MTRF1: variants seen among roughly 807,000 people sequenced by gnomAD.
MTRF1 encodes peptide chain release factor 1, mitochondrial.
Under a neutral mutation model 62.9 loss-of-function variants are expected in MTRF1, and 51 were observed. The observed-to-expected ratio is 0.81, with a 90% CI of 0.65 to 1.02. MTRF1 has a LOEUF of 1.02. Ranked by LOEUF, MTRF1 falls within the 50% of genes least tolerant of loss-of-function variation. MTRF1 has a pLI of 0.00. For missense variants in MTRF1, 446 were observed against 530.0 expected, an observed-to-expected ratio of 0.84 and a Z score of 1.56; for synonymous variants, 158 against 181.9, an observed-to-expected ratio of 0.87 and a Z score of 1.06.
the MTRF1 span, among the ~76,000 whole-genome samples, chr13:41,289,040 C>T: frequency 9.9e-5 from 15 of 152,024 alleles, no homozygotes; most frequent in Non-Finnish European, 1.8e-4. Context: ...AAGAACTCAA[C>T]GTTGACCATT....
chr13:41,287,992 T>A, the MTRF1 span: 2 of 371,330 alleles, frequency 5.4e-6, no homozygotes, highest in Admixed American at 3.5e-5. Flanking sequence ...ACAAGAATGA[T>A]GGGAGTGTTG....
At chr13:41,253,200 T>C (rs1440852480) in intron 3 of MTRF1, among the ~76,000 whole-genome samples, 170 bp from the exon 4 acceptor site, 1 of 152,194 alleles carries the variant, frequency 6.6e-6, no homozygotes, top group Non-Finnish European at 1.5e-5. Flanking sequence ...AGACCTAAAA[T>C]AGGTGATCAA....
the MTRF1 span, among the ~76,000 whole-genome samples, chr13:41,310,708 G>A: frequency 1 from 151,888 of 152,342 alleles, 75,720 homozygotes; most frequent in Middle Eastern, 1. Context: ...GATTGTAAAT[G>A]TTTGTTTGGT....
the MTRF1 span, among the ~76,000 whole-genome samples, chr13:41,307,538 T>C: frequency 1.3e-5 from 2 of 151,900 alleles, no homozygotes; most frequent in Non-Finnish European, 2.9e-5. Flanking sequence ...GCAGGAGGAT[T>C]GCTTGAACCC....
At position 41,231,897 on chromosome 13, in the gene MTRF1, A is replaced by G. The variant is rs866167283; in HGVS notation, c.988+1993T>C. On this transcript the variant is annotated intron_variant, in intron 7 of 9. Transcript: ENST00000379480. ...GTCTACCAAAAAAAAAAAAAAAAAA[A>G]GCAAAAATTAGCCAGGCATGGTGGC... 4.9e-3 allele frequency among the ~76,000 whole-genome samples: 660 copies of G among 134,320 alleles called. 5 individuals are homozygous for G. The highest frequency in any genetic ancestry group is 0.017 in the African/African-American group (607 of 36,268). 88.1% of individuals were successfully genotyped at this position (134,320 alleles called of 152,430 possible).
chr13:41,310,646 G>C, the MTRF1 span, among the ~76,000 whole-genome samples: 1 of 152,176 alleles, frequency 6.6e-6, no homozygotes, highest in Non-Finnish European at 1.5e-5. Context: ...CTGCAGCCTG[G>C]GCGACAAGAG....
chr13:41,259,264 A>T (rs2040107408), intron 2 of MTRF1, among the ~76,000 whole-genome samples: 1 of 152,242 alleles, frequency 6.6e-6, no homozygotes, highest in African/African-American at 2.4e-5. Flanking sequence ...CTATGTCCAC[A>T]AAACAACTTG....
chr13:41,265,603 G>C (rs372169036), upstream of MTRF1, among the ~76,000 whole-genome samples: 12 of 152,210 alleles, frequency 7.9e-5, no homozygotes, highest in Middle Eastern at 3.4e-3. Context: ...CGTAAGAGTA[G>C]AGCCCTGACA....
chr13:41,226,671 A>G (rs929086495), intron 7 of MTRF1, 103 bp from the exon 8 acceptor site: 4 of 1,320,954 alleles, frequency 3.0e-6, no homozygotes, highest in African/African-American at 2.9e-5. Context: ...AAAGATCACA[A>G]AAGATACAAA....
chr13:41,234,863 G>A (rs79734809), intron 6 of MTRF1, among the ~76,000 whole-genome samples: 1 of 152,188 alleles, frequency 6.6e-6, no homozygotes, highest in East Asian at 1.9e-4. Context: ...GAGGTGTAGG[G>A]GGCAGAGCAG....
chr13:41,286,159 A>T, the MTRF1 span, among the ~76,000 whole-genome samples: 1 of 151,860 alleles, frequency 6.6e-6, no homozygotes, highest in Admixed American at 6.6e-5. Context: ...AATATGTAGC[A>T]ATCTTATAGG....
At chr13:41,281,027 G>A in the MTRF1 span, among the ~76,000 whole-genome samples, 211 of 152,246 alleles carry the variant, frequency 1.4e-3, no homozygotes, top group South Asian at 3.7e-3. Flanking sequence ...CACCTCCCTT[G>A]GTAAGAATTG....
the MTRF1 span, among the ~76,000 whole-genome samples, chr13:41,310,445 G>A: frequency 2.0e-5 from 3 of 152,164 alleles, no homozygotes; most frequent in Admixed American, 2.0e-4. Context: ...TTGACGCGGG[G>A]GCGGATCACG....
the MTRF1 span, among the ~76,000 whole-genome samples, chr13:41,310,199 T>G: frequency 1.3e-5 from 2 of 152,236 alleles, no homozygotes; most frequent in South Asian, 4.1e-4. Context: ...CACTGTTGTA[T>G]CTTTCTAGAC....
At chr13:41,292,409 C>A in the MTRF1 span, among the ~76,000 whole-genome samples, 2 of 151,562 alleles carry the variant, frequency 1.3e-5, no homozygotes, top group Non-Finnish European at 2.9e-5. Flanking sequence ...ACGGTGAAAC[C>A]CCGTCTCTAC....
chr13:41,302,020 C>CTTAT, the MTRF1 span, among the ~76,000 whole-genome samples: 81 of 152,010 alleles, frequency 5.3e-4, no homozygotes, highest in African/African-American at 1.3e-3. Context: ...AGGAGTCTTT[C>CTTAT]TTATTTATTT....
chr13:41,300,582 T>A, the MTRF1 span, among the ~76,000 whole-genome samples: 1 of 141,648 alleles, frequency 7.1e-6, no homozygotes, highest in Non-Finnish European at 1.5e-5. Flanking sequence ...CAAGACTCCG[T>A]CTCAAAAAAA....
intron 5 of MTRF1, among the ~76,000 whole-genome samples, chr13:41,247,580 G>A (rs955450889): frequency 3.3e-5 from 5 of 152,096 alleles, no homozygotes; most frequent in East Asian, 1.9e-4. Context: ...GGGATGTGGC[G>A]GGAATCACCA....
chr13:41,233,753 C>T, intron 7 of MTRF1, 137 bp downstream of exon 7: 1 of 693,798 alleles, frequency 1.4e-6, no homozygotes, highest in South Asian at 1.8e-5. Flanking sequence ...AACACAATAG[C>T]CATCCTGATC....
Sources: allele counts gnomAD v4.1 joint callset (sites outside exome capture counted in the v4.1 genomes callset), GRCh38; gene constraint gnomAD v4.1.1; transcripts MANE v1.5; gene names NCBI Gene and HGNC (gene_info 2026-07-23, HGNC 2026-07-21).